The following PDE3B variants were observed in gnomAD, a reference collection of about 807,000 sequenced individuals.
The protein encoded by PDE3B is cGMP-inhibited 3',5'-cyclic phosphodiesterase 3B.
Under a neutral mutation model 116.8 loss-of-function variants are expected in PDE3B, and 66 were observed. That is an observed-to-expected ratio of 0.56 (90% CI 0.46 to 0.69). The LOEUF (loss-of-function observed/expected upper bound fraction) is 0.69. Ranked by LOEUF, PDE3B falls within the 30% of genes least tolerant of loss-of-function variation. The pLI, the probability that PDE3B is intolerant of heterozygous loss-of-function variation, is 0.00. For synonymous variants in PDE3B, 595 were observed against 533.6 expected (o/e 1.12, Z -1.59); for missense variants, 1,384 against 1,368.1 (o/e 1.01, Z -0.18).
At chr11:14,778,489 G>A (rs1410791414) in intron 2 of PDE3B, among the ~76,000 whole-genome samples, 1 of 152,200 alleles carries the variant, frequency 6.6e-6, no homozygotes, top group East Asian at 1.9e-4. Context: ...CGATCAGGCA[G>A]CAACATTTGC....
At chr11:14,715,240 C>T (rs185163592) in intron 1 of PDE3B, among the ~76,000 whole-genome samples, 30 of 152,070 alleles carry the variant, frequency 2.0e-4, no homozygotes, top group African/African-American at 5.6e-4. Context: ...CTTGGCGATG[C>T]GGGCTCCTTT....
chr11:14,884,111 AAGTC>A, the PDE3B span, among the ~76,000 whole-genome samples: 1 of 152,078 alleles, frequency 6.6e-6, no homozygotes, highest in Non-Finnish European at 1.5e-5. Flanking sequence ...ACCATTGTGG[AAGTC>A]AGTGTGGCGA....
At position 14,682,159 on chromosome 11, in the gene PDE3B, G is replaced by A. The variant is rs112990817; in HGVS notation, c.978+37106G>A. ...CACTGTCTTCACATTGAGTAGGTTG[G>A]GGAGGCGGAGGAAGAGGAACAGTTA... is the stretch of plus-strand genomic sequence containing the variant. On this transcript the variant is annotated intron_variant, in intron 1 of 15. Transcript: ENST00000282096. Among the ~76,000 whole-genome samples the A allele has an allele frequency of 5.8e-3, 880 of 152,232 alleles. 10 individuals are homozygous for A. The highest frequency in any genetic ancestry group is 0.02 in the African/African-American group (851 of 41,538).
intron 1 of PDE3B, among the ~76,000 whole-genome samples, chr11:14,668,300 G>A (rs976537805): frequency 7.9e-5 from 12 of 152,162 alleles, no homozygotes; most frequent in African/African-American, 9.6e-5. Flanking sequence ...TTGTGTTATA[G>A]CCTCTATACA....
chr11:14,644,640 C>G lies in PDE3B; in HGVS notation c.565C>G (p.Pro189Ala), dbSNP rs371863566. 2 of 1,505,800 alleles carry G rather than the reference C, an allele frequency of 1.3e-6. No homozygotes were observed. The highest frequency in any genetic ancestry group is 1.8e-6 in the Non-Finnish European group (2 of 1,130,472). The allele number at this position is 1,505,800 out of a possible 1,614,324, so 93.3% of individuals were successfully genotyped here. A position where few individuals can be genotyped will look rare whatever the true frequency, so the allele number is the denominator to read the frequency against. Residue 189 changes from proline (P) to alanine (A), a missense_variant, in exon 1 of 16, where the codon CCC becomes GCC. Pro to Ala is a conservative substitution (Grantham distance 27). This residue lies in a region of PDE3B where 956 missense variants were observed against 806.8 expected (regional missense o/e 1.18). Coordinates refer to ENST00000282096, the MANE Select transcript of PDE3B (RefSeq NM_000922.4). ...CGCAGGGTCCGCGGCCCCGCACACG[C>G]CCCCGGAGGCGGCAGCGGGCAGGTT... ...GDAGSAAPHT[P>A]PEAAAGRLLL...
At chr11:14,730,686 A>C (rs1856433151) in intron 1 of PDE3B, among the ~76,000 whole-genome samples, 1 of 152,232 alleles carries the variant, frequency 6.6e-6, no homozygotes, top group Non-Finnish European at 1.5e-5. Flanking sequence ...GCATTATCAG[A>C]TATCATAAAC....
At chr11:14,784,247 G>T (rs778433119) in intron 2 of PDE3B, among the ~76,000 whole-genome samples, 2 of 152,180 alleles carry the variant, frequency 1.3e-5, no homozygotes, top group Non-Finnish European at 2.9e-5. Flanking sequence ...GAAGTAACAG[G>T]AAGGAAGAAA....
chr11:14,897,389 T>A, the PDE3B span, among the ~76,000 whole-genome samples: 1 of 152,186 alleles, frequency 6.6e-6, no homozygotes, highest in Non-Finnish European at 1.5e-5. Flanking sequence ...TACAGGTCAA[T>A]GCCCTCAGAG....
At chr11:14,768,005 A>G (rs1369873651) in intron 1 of PDE3B, among the ~76,000 whole-genome samples, 2 of 151,194 alleles carry the variant, frequency 1.3e-5, no homozygotes, top group African/African-American at 4.8e-5. Flanking sequence ...TTATTCTGTC[A>G]TTAGTTCTCC....
chr11:14,846,859 A>G (rs1005838450), intron 12 of PDE3B, among the ~76,000 whole-genome samples: 3 of 152,228 alleles, frequency 2.0e-5, no homozygotes, highest in Non-Finnish European at 4.4e-5. Context: ...AGTAACCTAC[A>G]AAGAGACTTA....
At position 14,757,252 on chromosome 11, in the gene PDE3B, G is replaced by T. The variant is rs569408730; in HGVS notation, c.979-14685G>T. ...AGTCTTTGCTATTGTGAATAATGCC[G>T]CAATAAACATACGTGTGCATGTGTC... On this transcript the variant is annotated intron_variant, in intron 1 of 15. Transcript: ENST00000282096. 2.9e-3 allele frequency among the ~76,000 whole-genome samples: 440 copies of T among 150,564 alleles called. 4 individuals carry two copies. Among genetic ancestry groups the T allele is most frequent in the African/African-American group, 9.8e-3 (400 of 40,992 alleles).
At chr11:14,722,341 GA>G (rs780661672) in intron 1 of PDE3B, among the ~76,000 whole-genome samples, 14 of 151,788 alleles carry the variant, frequency 9.2e-5, no homozygotes, top group Non-Finnish European at 2.1e-4. Flanking sequence ...AAAAATCTAG[GA>G]AAGTCTAGTC....
intron 1 of PDE3B, among the ~76,000 whole-genome samples, chr11:14,754,582 A>G (rs1234860180): frequency 1.3e-5 from 2 of 152,162 alleles, no homozygotes; most frequent in Non-Finnish European, 1.5e-5. Flanking sequence ...ATACATATAT[A>G]CTTTTGTATA....
intron 1 of PDE3B, among the ~76,000 whole-genome samples, chr11:14,709,969 T>C (rs1318723553): frequency 6.6e-6 from 1 of 152,162 alleles, no homozygotes; most frequent in Non-Finnish European, 1.5e-5. Flanking sequence ...ATTCTAAAGG[T>C]AAAATAACAC....
At chr11:14,661,619 C>G (rs1207070565) in intron 1 of PDE3B, among the ~76,000 whole-genome samples, 2 of 152,222 alleles carry the variant, frequency 1.3e-5, no homozygotes, top group Non-Finnish European at 2.9e-5. Context: ...CTGCGCTTTT[C>G]CGACGGGCTT....
chr11:14,657,799 A>G (rs1853759758), intron 1 of PDE3B, among the ~76,000 whole-genome samples: 1 of 152,252 alleles, frequency 6.6e-6, no homozygotes, highest in Non-Finnish European at 1.5e-5. Context: ...AGGCAGTGCA[A>G]TTAATATTGT....
At chr11:14,660,237 T>C (rs138719894) in intron 1 of PDE3B, among the ~76,000 whole-genome samples, 3 of 152,074 alleles carry the variant, frequency 2.0e-5, no homozygotes, top group African/African-American at 7.2e-5. Flanking sequence ...TCACACATAC[T>C]GAATGCCACT....
chr11:14,648,472 C>T (rs1430333515), intron 1 of PDE3B, among the ~76,000 whole-genome samples: 1 of 152,000 alleles, frequency 6.6e-6, no homozygotes, highest in Non-Finnish European at 1.5e-5. Flanking sequence ...TTTAAGAATA[C>T]TGTAGTATTT....
chr11:14,823,568 C>T (rs1008511207), intron 7 of PDE3B, among the ~76,000 whole-genome samples: 5 of 152,160 alleles, frequency 3.3e-5, no homozygotes, highest in Admixed American at 3.3e-4. Context: ...TTTCTCCTCA[C>T]TGGGTGGGAC....
Sources: allele counts gnomAD v4.1 joint callset (sites outside exome capture counted in the v4.1 genomes callset), GRCh38; gene constraint gnomAD v4.1.1; regional missense constraint gnomAD v4.1.1; transcripts MANE v1.5; gene names NCBI Gene and HGNC (gene_info 2026-07-23, HGNC 2026-07-21).